Variants in INPP1 observed in about 807,000 individuals in gnomAD.
INPP1 encodes inositol polyphosphate-1-phosphatase, also known as inositol polyphosphate 1-phosphatase.
In INPP1, 18 loss-of-function variants were observed where a neutral mutation model predicts 23.0. That is an observed-to-expected ratio of 0.78 (90% CI 0.54 to 1.16). The LOEUF is 1.16. INPP1 is among the 50% of genes most tolerant of loss of function. The pLI, the probability that INPP1 is intolerant of heterozygous loss-of-function variation, is 0.00. For missense variants in INPP1, 448 were observed against 482.1 expected, an observed-to-expected ratio of 0.93 and a Z score of 0.66; for synonymous variants, 164 against 176.3, an observed-to-expected ratio of 0.93 and a Z score of 0.55.
At position 190,371,131 on chromosome 2, in the gene INPP1, A is replaced by C. The variant is rs534906375; in HGVS notation, c.929A>C (p.Asp310Ala). 2 of 1,614,234 alleles carry C rather than the reference A, an allele frequency of 1.2e-6. No homozygotes were observed. Among genetic ancestry groups the C allele is most frequent in the African/African-American group, 2.7e-5 (2 of 75,062 alleles). ...GTTGACATTTACATCTTTTCAGAAGATACCACATTCAAATGGGACTCTTGT... is the reference window on the plus strand; with the variant it reads ...GTTGACATTTACATCTTTTCAGAAGCTACCACATTCAAATGGGACTCTTGT... ...GLVDIYIFSEDTTFKWDSCAA... is the reference protein window; with the variant it reads ...GLVDIYIFSEATTFKWDSCAA... Residue 310 changes from aspartate (D) to alanine (A), a missense_variant, in exon 7 of 7, where the codon GAT becomes GCT. Coordinates refer to ENST00000392329, the MANE Select transcript of INPP1 (RefSeq NM_001128928.2). This position sits in a 1 kb window ranked among gnomAD's most constrained non-coding sequence, Gnocchi z 5.3.
rs956769610 is a variant in INPP1 at position 190,363,384 on chromosome 2, C to T, written c.265+697C>T. On this transcript the variant is annotated intron_variant, in intron 4 of 6. Transcript: ENST00000392329. This position sits in a 1 kb window ranked among gnomAD's most constrained non-coding sequence, Gnocchi z 4.4. ...AGTGGCTGGGATTACAAGCATGTGCCACCACACCTGGCTAATTTTTGTATT... is the reference window on the plus strand; with the variant it reads ...AGTGGCTGGGATTACAAGCATGTGCTACCACACCTGGCTAATTTTTGTATT... 6.6e-6 allele frequency among the ~76,000 whole-genome samples: 1 copy of T among 152,132 alleles called. No homozygotes were observed. The highest frequency in any genetic ancestry group is 1.5e-5 in the Non-Finnish European group (1 of 68,020).
rs1316813740 is a variant in INPP1 at position 190,367,410 on chromosome 2, A to G, written c.466+515A>G. Among the ~76,000 whole-genome samples the G allele has an allele frequency of 6.6e-6, 1 of 152,204 alleles. No homozygotes were observed. Among genetic ancestry groups the G allele is most frequent in the African/African-American group, 2.4e-5 (1 of 41,442 alleles). ...TAGCTACTAATTCAGTTAAAGAAGG[A>G]AACAATCAAAAAAACACAGTACAGG... On this transcript the variant is annotated intron_variant, in intron 5 of 6. Transcript: ENST00000392329. This position sits in a 1 kb window ranked among gnomAD's most constrained non-coding sequence, Gnocchi z 4.1.
At chr2:190,366,659 T>G in intron 4 of INPP1, 36 bp from the exon 5 acceptor site, 20 of 1,446,642 alleles carry the variant, frequency 1.4e-5, no homozygotes, top group Non-Finnish European at 1.7e-5. Flanking sequence ...CTGAAACTCT[T>G]GAAATGTAAT....
At chr2:190,370,761 T>C (rs1689784160) in intron 6 of INPP1, 83 bp from the exon 7 acceptor site, 1 of 906,370 alleles carries the variant, frequency 1.1e-6, no homozygotes. Flanking sequence ...TGTGTATTTC[T>C]TCGTATCATT....
Position 190,371,453 on chromosome 2 carries a change from C to A in INPP1, c.*51C>A. On this transcript the variant is annotated 3_prime_UTR_variant, in exon 7 of 7. Transcript: ENST00000392329. This position sits in a 1 kb window ranked among gnomAD's most constrained non-coding sequence, Gnocchi z 5.3. ...TATAAACTGAACTGTGAAACTGTTT[C>A]GGTTATCTCTGTCTTTTGAGGATGG... 1 of 1,376,994 alleles carries A rather than the reference C, an allele frequency of 7.3e-7. No homozygotes were observed. The highest frequency in any genetic ancestry group is 1.7e-5 in the South Asian group (1 of 59,778). The allele number at this position is 1,376,994 out of a possible 1,614,324, so 85.3% of individuals were successfully genotyped here. A position where few individuals can be genotyped will look rare whatever the true frequency, so the allele number is the denominator to read the frequency against.
At position 190,368,965 on chromosome 2, in the gene INPP1, C is replaced by A; in HGVS notation, c.467-138C>A. 2.1e-6 allele frequency: 1 copy of A among 470,674 alleles called. No homozygotes were observed. The highest frequency in any genetic ancestry group is 3.7e-6 in the Non-Finnish European group (1 of 269,898). 29.2% of individuals were successfully genotyped at this position (470,674 alleles called of 1,614,324 possible). A position where few individuals can be genotyped will look rare whatever the true frequency, so the allele number is the denominator to read the frequency against. On this transcript the variant is annotated intron_variant, in intron 5 of 6. Coordinates refer to ENST00000392329, the MANE Select transcript of INPP1 (RefSeq NM_001128928.2). This position sits in a 1 kb window ranked among gnomAD's most constrained non-coding sequence, Gnocchi z 4.3. ...AATTTAAAAGTAAAGTACAAGAGGCCAAATAACAATTCAATACAGTGACAT... is the reference window on the plus strand; with the variant it reads ...AATTTAAAAGTAAAGTACAAGAGGCAAAATAACAATTCAATACAGTGACAT...
At chr2:190,360,978 G>A (rs1420100740) in intron 3 of INPP1, among the ~76,000 whole-genome samples, 1 of 152,144 alleles carries the variant, frequency 6.6e-6, no homozygotes, top group Non-Finnish European at 1.5e-5. Flanking sequence ...TTCTGGAGCT[G>A]ACTAGAGAAA....
rs1471727222 is a variant in INPP1 at position 190,343,853 on chromosome 2, C to T, written c.-317C>T. 4.1e-5 allele frequency: 7 copies of T among 171,880 alleles called. No homozygotes were observed. The highest frequency in any genetic ancestry group is 7.6e-5 in the Non-Finnish European group (6 of 79,302). The allele number at this position is 171,880 out of a possible 1,614,324, so 10.6% of individuals were successfully genotyped here. Reference sequence around the variant, plus strand: ...CTGCGGCCGCACGCCCAGCGCCCCTCGCCTAACCTCGCGCCCGGGCCGCGC... The same window carrying T: ...CTGCGGCCGCACGCCCAGCGCCCCTTGCCTAACCTCGCGCCCGGGCCGCGC... On this transcript the variant is annotated 5_prime_UTR_variant, in exon 1 of 7. Coordinates refer to ENST00000392329, the MANE Select transcript of INPP1 (RefSeq NM_001128928.2).
rs541198732 is a variant in INPP1 at position 190,352,972 on chromosome 2, G to T, written c.-65+3941G>T. 7.0e-4 allele frequency among the ~76,000 whole-genome samples: 106 copies of T among 152,260 alleles called. No individual in the cohort carries two copies. The highest frequency in any genetic ancestry group is 3.4e-3 in the Middle Eastern group (1 of 294). The stretch of plus-strand genomic sequence containing the variant: ...TTCAGGATGTGAACCGTGGGGGTGG[G>T]GTGGAGTCAATGCGCAATGGGCAAA... On this transcript the variant is annotated intron_variant, in intron 2 of 6. Coordinates refer to ENST00000392329, the MANE Select transcript of INPP1 (RefSeq NM_001128928.2). This position sits in a 1 kb window ranked among gnomAD's most constrained non-coding sequence, Gnocchi z 4.7.
At chr2:190,353,360 C>T (rs1034560382) in intron 2 of INPP1, among the ~76,000 whole-genome samples, 13 of 151,954 alleles carry the variant, frequency 8.6e-5, no homozygotes, top group African/African-American at 2.4e-4. Flanking sequence ...CAGATCTGGC[C>T]GACAAAAAGG....
In INPP1 at chr2:190,346,785, TG is replaced by T. The variant is rs1689224306; in HGVS notation, c.-208-2102del. 6.6e-6 allele frequency among the ~76,000 whole-genome samples: 1 copy of T among 151,620 alleles called. No homozygotes were observed. Among genetic ancestry groups the T allele is most frequent in the Admixed American group, 6.6e-5 (1 of 15,210 alleles). Reference sequence around the variant, plus strand: ...CACCATCCCAGCTAATTTTTAAAATTGTAGAGATGGGGTCCCACTATGTTGC... The same window carrying T: ...CACCATCCCAGCTAATTTTTAAAATTTAGAGATGGGGTCCCACTATGTTGC... On this transcript the variant is annotated intron_variant, in intron 1 of 6. Coordinates refer to ENST00000392329, the MANE Select transcript of INPP1 (RefSeq NM_001128928.2). This position sits in a 1 kb window ranked among gnomAD's most constrained non-coding sequence, Gnocchi z 5.1.
intron 3 of INPP1, among the ~76,000 whole-genome samples, chr2:190,362,149 C>T (rs559107888): frequency 1.3e-5 from 2 of 152,230 alleles, no homozygotes; most frequent in Middle Eastern, 3.4e-3. Context: ...GGGAAACAAA[C>T]GCCTGAAAAT....
Position 190,353,435 on chromosome 2 carries a change from A to G in INPP1, c.-65+4404A>G, listed in dbSNP as rs565632329. Among the ~76,000 whole-genome samples the G allele has an allele frequency of 2.6e-5, 4 of 152,368 alleles. No individual in the cohort carries two copies. In the South Asian group the frequency reaches 8.3e-4, roughly 32 times the overall value. ...CAGGCTTTGGATTTAATGGAGTAGTAAGTTTTAAGAAAAGGTTTCAGTGAC... is the reference window on the plus strand; with the variant it reads ...CAGGCTTTGGATTTAATGGAGTAGTGAGTTTTAAGAAAAGGTTTCAGTGAC... On this transcript the variant is annotated intron_variant, in intron 2 of 6. Transcript: ENST00000392329.
intron 3 of INPP1, among the ~76,000 whole-genome samples, chr2:190,361,679 C>A (rs933207971): frequency 9.2e-5 from 14 of 152,108 alleles, no homozygotes; most frequent in Non-Finnish European, 1.9e-4. Context: ...TATAAAATAT[C>A]TTTATTTCAT....
At position 190,343,882 on chromosome 2, in the gene INPP1, C is replaced by G. The variant is rs1479890823; in HGVS notation, c.-288C>G. On this transcript the variant is annotated 5_prime_UTR_variant, in exon 1 of 7. Transcript: ENST00000392329. ...TAACCTCGCGCCCGGGCCGCGCCTCCTCCTCCTCCTGCTCCCCGCCGCTTC... is the reference window on the plus strand; with the variant it reads ...TAACCTCGCGCCCGGGCCGCGCCTCGTCCTCCTCCTGCTCCCCGCCGCTTC... 2 of 173,076 alleles carry G rather than the reference C, an allele frequency of 1.2e-5. No homozygotes were observed. The highest frequency in any genetic ancestry group is 1.3e-5 in the Non-Finnish European group (1 of 79,100). The allele number at this position is 173,076 out of a possible 1,614,324, so 10.7% of individuals were successfully genotyped here. A position where few individuals can be genotyped will look rare whatever the true frequency, so the allele number is the denominator to read the frequency against.
At position 190,352,386 on chromosome 2, in the gene INPP1, C is replaced by A. The variant is rs539058412; in HGVS notation, c.-65+3355C>A. Among the ~76,000 whole-genome samples, 13 of 152,150 alleles carry A rather than the reference C, an allele frequency of 8.5e-5. No individual in the cohort carries two copies. Among genetic ancestry groups the A allele is most frequent in the Non-Finnish European group, 1.5e-4 (10 of 68,024 alleles). ...TCCCAAACTGTAATATTTATTGGATCCTGAGAAATGTTTGACAGTCAAATA... is the reference window on the plus strand; with the variant it reads ...TCCCAAACTGTAATATTTATTGGATACTGAGAAATGTTTGACAGTCAAATA... On this transcript the variant is annotated intron_variant, in intron 2 of 6. Coordinates refer to ENST00000392329, the MANE Select transcript of INPP1 (RefSeq NM_001128928.2). This position sits in a 1 kb window ranked among gnomAD's most constrained non-coding sequence, Gnocchi z 4.7.
intron 5 of INPP1, 67 bp downstream of exon 5, chr2:190,366,962 G>A: frequency 9.8e-7 from 1 of 1,022,004 alleles, no homozygotes. Flanking sequence ...TTGGGGATGG[G>A]TGTTGGAAAA....
intron 3 of INPP1, among the ~76,000 whole-genome samples, chr2:190,361,405 C>T (rs972125241): frequency 3.9e-5 from 6 of 152,200 alleles, no homozygotes; most frequent in East Asian, 3.9e-4. Context: ...TGACCACAGG[C>T]GAAGAGATGA....
chr2:190,344,900 C>T (rs1240518421), intron 1 of INPP1, among the ~76,000 whole-genome samples: 1 of 152,196 alleles, frequency 6.6e-6, no homozygotes, highest in Non-Finnish European at 1.5e-5. Flanking sequence ...CCCTTTTACA[C>T]TGATTCCTAG....
Sources: gnomAD v4.1 joint callset for allele counts (sites outside exome capture counted in the v4.1 genomes callset) on GRCh38, gnomAD v4.1.1 for gene constraint, Gnocchi (gnomAD v3.1) non-coding constraint, MANE v1.5 for transcripts, NCBI Gene and HGNC (gene_info 2026-07-23, HGNC 2026-07-21) for gene names.